Variants in UQCC1 observed in about 807,000 individuals in gnomAD.
UQCC1 encodes the protein ubiquinol-cytochrome c reductase complex assembly factor 1, also known as bFGF-repressed Zic-binding protein.
Under a neutral mutation model 48.0 loss-of-function variants are expected in UQCC1, and 38 were observed. That is an observed-to-expected ratio of 0.79 (90% CI 0.61 to 1.04). UQCC1 has a LOEUF of 1.04. UQCC1 is among the 50% of genes least tolerant of loss of function. The probability of loss-of-function intolerance (pLI) is 0.00; values close to 1 mark genes in which losing one functional copy is unlikely to be tolerated. For synonymous variants in UQCC1, 111 were observed against 129.2 expected (o/e 0.86, Z 0.95); for missense variants, 368 against 381.8 (o/e 0.96, Z 0.30).
intron 2 of UQCC1, among the ~76,000 whole-genome samples, chr20:35,389,082 A>T (rs923972321): frequency 6.6e-6 from 1 of 152,136 alleles, no homozygotes; most frequent in East Asian, 1.9e-4. Flanking sequence ...AAAAATAAAA[A>T]AAATAAAAAA....
At chr20:35,362,533 A>G (rs535689509) in intron 6 of UQCC1, among the ~76,000 whole-genome samples, 2 of 151,992 alleles carry the variant, frequency 1.3e-5, no homozygotes, top group South Asian at 4.2e-4. Flanking sequence ...ATTTTTTTGT[A>G]TTTTTATTAG....
intron 9 of UQCC1, among the ~76,000 whole-genome samples, chr20:35,305,736 A>G (rs998976147): frequency 1.3e-5 from 2 of 152,262 alleles, no homozygotes; most frequent in African/African-American, 4.8e-5. Context: ...GCTGAAGTCC[A>G]GCCTTGCCTT....
intron 7 of UQCC1, among the ~76,000 whole-genome samples, chr20:35,315,775 G>A (rs560209181): frequency 1.7e-4 from 26 of 152,014 alleles, no homozygotes; most frequent in Admixed American, 1.2e-3. Flanking sequence ...CTGTAGTCCC[G>A]GCTACTTGGG....
intron 4 of UQCC1, among the ~76,000 whole-genome samples, chr20:35,378,732 C>A (rs1325954015): frequency 1.3e-5 from 2 of 152,226 alleles, no homozygotes; most frequent in East Asian, 3.8e-4. Flanking sequence ...AGTCAACCAT[C>A]TGGGCCTCTG....
At chr20:35,391,195 A>G (rs2062010326) in intron 2 of UQCC1, among the ~76,000 whole-genome samples, 1 of 152,138 alleles carries the variant, frequency 6.6e-6, no homozygotes, top group Admixed American at 6.5e-5. Flanking sequence ...CTCTGTCTCA[A>G]AAAAATGAAT....
Position 35,303,763 on chromosome 20 carries a change from C to T in UQCC1, c.*172G>A. ...CTCCCAGCCCTGTACCCCAGCAGAT[C>T]AGACTCCTGGGCACACTAAGAGGAA... On this transcript the variant is annotated 3_prime_UTR_variant, in exon 10 of 10. Coordinates refer to ENST00000374385, the MANE Select transcript of UQCC1 (RefSeq NM_018244.5). The T allele has an allele frequency of 5.6e-6, 5 of 900,742 alleles. 1 individual carries two copies. Among genetic ancestry groups the T allele is most frequent in the South Asian group, 4.8e-5 (3 of 63,014 alleles). The allele number at this position is 900,742 out of a possible 1,614,324, so 55.8% of individuals were successfully genotyped here.
At chr20:35,379,218 A>G (rs1465305837) in intron 4 of UQCC1, among the ~76,000 whole-genome samples, 1 of 152,238 alleles carries the variant, frequency 6.6e-6, no homozygotes, top group Non-Finnish European at 1.5e-5. Context: ...AAGATCCTAA[A>G]CATGATTATC....
rs1198006186 is a variant in UQCC1 at position 35,358,356 on chromosome 20, CAAAAAAAAAAAAA to C, written c.464+8188_464+8200del. Among the ~76,000 whole-genome samples the C allele has an allele frequency of 2.1e-3, 102 of 49,402 alleles. No homozygotes were observed. The East Asian group carries it at 0.052, about 25-fold the overall frequency. The allele number at this position is 49,402 out of a possible 152,430, so 32.4% of individuals were successfully genotyped here. ...GCATCAACAGTGAGAGACTCTGTCT[CAAAAAAAAAAAAA>C]AAAAAAAAAAAGCAAAGTATCAGTG... On this transcript the variant is annotated intron_variant, in intron 6 of 9. Coordinates refer to ENST00000374385, the MANE Select transcript of UQCC1 (RefSeq NM_018244.5).
intron 7 of UQCC1, among the ~76,000 whole-genome samples, chr20:35,321,269 TGTGTGTGTGTGTGTGC>T (rs1304413359): frequency 3.7e-4 from 56 of 150,488 alleles, no homozygotes; most frequent in African/African-American, 1.2e-3. Context: ...TGTGTGTGTG[TGTGTGTGTGTGTGTGC>T]GCGCGCGCGC....
intron 8 of UQCC1, among the ~76,000 whole-genome samples, chr20:35,310,201 A>G (rs1423942999): frequency 6.6e-6 from 1 of 152,176 alleles, no homozygotes; most frequent in East Asian, 1.9e-4. Flanking sequence ...TTATTCACCA[A>G]TATATTCCCA....
intron 7 of UQCC1, among the ~76,000 whole-genome samples, chr20:35,324,215 T>C (rs530431681): frequency 2.4e-4 from 36 of 152,386 alleles, no homozygotes; most frequent in Admixed American, 2.1e-3. Flanking sequence ...AAACTCTCCA[T>C]TCCATGAGCC....
chr20:35,307,590 G>C (rs1200905390), intron 8 of UQCC1, among the ~76,000 whole-genome samples: 2 of 152,166 alleles, frequency 1.3e-5, no homozygotes, highest in African/African-American at 4.8e-5. Flanking sequence ...GCCCTGAGAA[G>C]TTGCTCTGTC....
Position 35,303,122 on chromosome 20 carries a change from T to G in UQCC1, c.*813A>C, listed in dbSNP as rs556383712. The G allele has an allele frequency of 1.3e-5, 2 of 152,134 alleles. No individual in the cohort carries two copies. The highest frequency in any genetic ancestry group is 4.8e-5 in the African/African-American group (2 of 41,420). The allele number at this position is 152,134 out of a possible 1,614,324, so 9.4% of individuals were successfully genotyped here. On this transcript the variant is annotated 3_prime_UTR_variant, in exon 10 of 10. Transcript: ENST00000374385. Reference sequence around the variant, plus strand: ...ATGTTCTCTTCTCCCCAGTATCTCATGAAAGGGGAGGCCAAGACAGGAGAC... The same window carrying G: ...ATGTTCTCTTCTCCCCAGTATCTCAGGAAAGGGGAGGCCAAGACAGGAGAC...
intron 8 of UQCC1, 38 bp downstream of exon 8, chr20:35,314,650 G>C: frequency 6.4e-7 from 1 of 1,553,540 alleles, no homozygotes; most frequent in East Asian, 2.3e-5. Context: ...TGCTGGGGGA[G>C]GCCACCGTCC....
At chr20:35,362,938 CCT>C (rs1462875586) in intron 6 of UQCC1, among the ~76,000 whole-genome samples, 1 of 151,596 alleles carries the variant, frequency 6.6e-6, no homozygotes, top group East Asian at 1.9e-4. Context: ...GAGCCTCCTC[CCT>C]CTGTCTCTGT....
chr20:35,397,197 T>A, intron 1 of UQCC1, among the ~76,000 whole-genome samples: 1 of 125,640 alleles, frequency 8.0e-6, no homozygotes, highest in Admixed American at 8.1e-5. Flanking sequence ...GGAGACTCTG[T>A]CTCAAAAAAA....
chr20:35,354,684 C>A (rs1165865699), intron 6 of UQCC1, among the ~76,000 whole-genome samples: 1 of 151,436 alleles, frequency 6.6e-6, no homozygotes, highest in Admixed American at 6.6e-5. Flanking sequence ...CGTGAGCCAC[C>A]ATGCCCAGCC....
At chr20:35,388,334 A>C (rs1362850233) in intron 2 of UQCC1, among the ~76,000 whole-genome samples, 2 of 118,678 alleles carry the variant, frequency 1.7e-5, no homozygotes, top group Admixed American at 2.2e-4. Flanking sequence ...TCTGTCACCC[A>C]GGCTGGAGTA....
rs1010249576 is a variant in UQCC1, at chr20:35,303,662, T to C, written c.*273A>G. On this transcript the variant is annotated 3_prime_UTR_variant, in exon 10 of 10. Transcript: ENST00000374385. ...AGTCACATGTAGTTGCTGGAGGGGG[T>C]TGGGGAGTGTGTGCTGGGGGACTCT... is the stretch of plus-strand genomic sequence containing the variant. The C allele has an allele frequency of 1.5e-5, 7 of 463,554 alleles. No individual in the cohort carries two copies. Among genetic ancestry groups the C allele is most frequent in the Admixed American group, 3.3e-5 (1 of 30,070 alleles). 28.7% of individuals were successfully genotyped at this position (463,554 alleles called of 1,614,324 possible).
Sources: gnomAD v4.1 joint callset for allele counts (sites outside exome capture counted in the v4.1 genomes callset) on GRCh38, gnomAD v4.1.1 for gene constraint, MANE v1.5 for transcripts, NCBI Gene and HGNC (gene_info 2026-07-23, HGNC 2026-07-21) for gene names.